Variants in FYTTD1 observed in about 807,000 individuals in gnomAD.
FYTTD1 encodes UAP56-interacting factor.
FYTTD1 carries 22 observed loss-of-function variants against 40.9 expected under a neutral mutation model. The ratio of observed to expected loss-of-function variants is 0.54; its 90% CI spans 0.38 to 0.77. The LOEUF is 0.77. Among genes scored for constraint, FYTTD1 ranks in the 30% least tolerant of loss-of-function variants. The probability of loss-of-function intolerance (pLI) is 0.00; values close to 1 mark genes in which losing one functional copy is unlikely to be tolerated. For synonymous variants in FYTTD1, 140 were observed against 137.9 expected, an observed-to-expected ratio of 1.01 and a Z score of -0.10; for missense variants, 351 against 392.2, an observed-to-expected ratio of 0.90 and a Z score of 0.89.
intron 1 of FYTTD1, among the ~76,000 whole-genome samples, chr3:197,752,982 T>C (rs983812882): frequency 6.6e-6 from 1 of 152,202 alleles, no homozygotes; most frequent in African/African-American, 2.4e-5. Flanking sequence ...TGATGATTAG[T>C]ACGTTCAAGT....
intron 2 of FYTTD1, among the ~76,000 whole-genome samples, chr3:197,765,727 T>C (rs1348787373): frequency 6.6e-6 from 1 of 151,970 alleles, no homozygotes; most frequent in Non-Finnish European, 1.5e-5. Context: ...CCGGGCGCAG[T>C]GGCTCACACC....
intron 2 of FYTTD1, among the ~76,000 whole-genome samples, chr3:197,766,615 G>A (rs558649202): frequency 1.3e-5 from 2 of 151,808 alleles, no homozygotes; most frequent in Non-Finnish European, 2.9e-5. Flanking sequence ...GCTAATTTTT[G>A]TATTTTTTCT....
chr3:197,763,643 T>C (rs1305080776), intron 2 of FYTTD1: 5 of 308,886 alleles, frequency 1.6e-5, no homozygotes, highest in South Asian at 1.0e-4. Flanking sequence ...AAAGAGGTAC[T>C]GAGACTAAAA....
chr3:197,782,726 T>A lies in FYTTD1; in HGVS notation c.*817T>A, dbSNP rs1443805500. 2 of 152,160 alleles carry A rather than the reference T, an allele frequency of 1.3e-5. No homozygotes were observed. The highest frequency in any genetic ancestry group is 2.9e-5 in the Non-Finnish European group (2 of 68,028). 9.4% of individuals were successfully genotyped at this position (152,160 alleles called of 1,614,324 possible). A position where few individuals can be genotyped will look rare whatever the true frequency, so the allele number is the denominator to read the frequency against. ...CACTTCAAAACCCTGGTTATAGATG[T>A]ACTGTTTGGATGTAGCATAGTCTTG... On this transcript the variant is annotated 3_prime_UTR_variant, in exon 9 of 9. Coordinates refer to ENST00000241502, the MANE Select transcript of FYTTD1 (RefSeq NM_032288.7).
chr3:197,752,109 C>G (rs1262091225), intron 1 of FYTTD1, among the ~76,000 whole-genome samples: 2 of 152,212 alleles, frequency 1.3e-5, no homozygotes, highest in Non-Finnish European at 2.9e-5. Context: ...CTCCTGACCT[C>G]AGGTGATCTG....
intron 8 of FYTTD1, among the ~76,000 whole-genome samples, chr3:197,781,505 C>T (rs955900277): frequency 4.6e-5 from 7 of 151,920 alleles, no homozygotes; most frequent in African/African-American, 1.7e-4. Flanking sequence ...AAAATATTTA[C>T]AGGTCTGAAG....
At position 197,784,222 on chromosome 3, in the gene FYTTD1, T is replaced by C. The variant is rs1412256002; in HGVS notation, c.*2313T>C. The C allele has an allele frequency of 1.3e-5, 2 of 152,554 alleles. 1 individual carries two copies. The highest frequency in any genetic ancestry group is 4.1e-4 in the South Asian group (2 of 4,836). 9.5% of individuals were successfully genotyped at this position (152,554 alleles called of 1,614,324 possible). On this transcript the variant is annotated 3_prime_UTR_variant, in exon 9 of 9. Transcript: ENST00000241502. Reference sequence around the variant, plus strand: ...TGCTTTACACTGTACTTTTTGGTGTTTTTTGGAAAAGTTACATTTAGATCT... The same window carrying C: ...TGCTTTACACTGTACTTTTTGGTGTCTTTTGGAAAAGTTACATTTAGATCT...
chr3:197,762,630 C>G (rs1729422277), intron 2 of FYTTD1, among the ~76,000 whole-genome samples: 1 of 151,466 alleles, frequency 6.6e-6, no homozygotes, highest in Non-Finnish European at 1.5e-5. Context: ...TGCCTGTAAT[C>G]CCAGCACTTT....
intron 1 of FYTTD1, chr3:197,755,630 T>C (rs190382346): frequency 0.011 from 2,374 of 216,572 alleles, 32 homozygotes; most frequent in Non-Finnish European, 0.014. Context: ...ATTTATTTAT[T>C]TATTTATTTA....
chr3:197,750,997 GT>G (rs1729016650), intron 1 of FYTTD1, among the ~76,000 whole-genome samples: 3 of 152,218 alleles, frequency 2.0e-5, no homozygotes, highest in Admixed American at 2.0e-4. Context: ...CGGGATTCAA[GT>G]GATGGCGTTG....
intron 7 of FYTTD1, 133 bp from the exon 8 acceptor site, chr3:197,778,205 C>CT (rs1007150091): frequency 4.8e-4 from 280 of 583,418 alleles, no homozygotes; most frequent in South Asian, 9.9e-4. Context: ...GCCAGTGAAA[C>CT]TTTTTTTTTG....
chr3:197,779,348 G>C (rs1421693567), intron 8 of FYTTD1, among the ~76,000 whole-genome samples: 3 of 151,938 alleles, frequency 2.0e-5, no homozygotes, highest in Non-Finnish European at 4.4e-5. Flanking sequence ...CCAGGAGGCA[G>C]AGTTGGCAGG....
intron 8 of FYTTD1, among the ~76,000 whole-genome samples, chr3:197,781,313 A>T (rs772756129): frequency 4.8e-4 from 69 of 142,270 alleles, no homozygotes; most frequent in East Asian, 2.0e-3. Context: ...CTGTCTCAAT[A>T]AAAAAAAAAA....
intron 1 of FYTTD1, among the ~76,000 whole-genome samples, chr3:197,752,883 T>A (rs1580442906): frequency 6.6e-6 from 1 of 152,224 alleles, no homozygotes; most frequent in East Asian, 1.9e-4. Flanking sequence ...TGCCAGGATT[T>A]CAGTCTGATT....
intron 6 of FYTTD1, among the ~76,000 whole-genome samples, chr3:197,776,556 GT>G (rs1288144534): frequency 6.6e-6 from 1 of 151,484 alleles, no homozygotes; most frequent in Non-Finnish European, 1.5e-5. Context: ...TAAGCATCTT[GT>G]TTAGTGAATT....
chr3:197,774,304 T>C, intron 6 of FYTTD1, 94 bp downstream of exon 6: 1 of 1,047,184 alleles, frequency 9.5e-7, no homozygotes, highest in Non-Finnish European at 1.5e-6. Context: ...AAGAAATTAA[T>C]TGAAACCCAA....
chr3:197,757,918 T>C (rs1052358946), intron 2 of FYTTD1, among the ~76,000 whole-genome samples: 7 of 152,374 alleles, frequency 4.6e-5, no homozygotes, highest in African/African-American at 1.7e-4. Context: ...TAAATTTTTT[T>C]TTGAGACGGA....
Position 197,768,434 on chromosome 3 carries a change from T to A in FYTTD1, c.236-5T>A. ...ACATTTTCTTCTGTTTTTGCCCTCC[T>A]ATAGGTTTTGGTAAGACTAGTCTGA... On this transcript the variant is annotated splice_region_variant and splice_polypyrimidine_tract_variant and intron_variant, in intron 2 of 8. Coordinates refer to ENST00000241502, the MANE Select transcript of FYTTD1 (RefSeq NM_032288.7). 6.3e-7 allele frequency: 1 copy of A among 1,597,912 alleles called. No homozygotes were observed. The highest frequency in any genetic ancestry group is 1.1e-5 in the South Asian group (1 of 88,476).
upstream of FYTTD1, chr3:197,749,872 C>G: frequency 2.8e-6 from 2 of 722,430 alleles, no homozygotes; most frequent in Non-Finnish European, 4.1e-6. Context: ...CCGGCGCGTG[C>G]GCGCTCCCTC....
Sources: allele counts gnomAD v4.1 joint callset (sites outside exome capture counted in the v4.1 genomes callset), GRCh38; gene constraint gnomAD v4.1.1; transcripts MANE v1.5; gene names NCBI Gene and HGNC (gene_info 2026-07-23, HGNC 2026-07-21).